The following SERPINI1 variants were observed in gnomAD, a reference collection of about 807,000 sequenced individuals.
SERPINI1 encodes neuroserpin.
SERPINI1 carries 19 observed loss-of-function variants against 41.1 expected under a neutral mutation model. That is an observed-to-expected ratio of 0.46 (90% CI 0.32 to 0.68). The LOEUF is 0.68. Among genes scored for constraint, SERPINI1 ranks in the 30% least tolerant of loss-of-function variants. The probability of loss-of-function intolerance (pLI) is 0.03; values close to 1 mark genes in which losing one functional copy is unlikely to be tolerated. For missense variants in SERPINI1, 460 were observed against 479.2 expected (o/e 0.96, Z 0.37); for synonymous variants, 138 against 156.6 (o/e 0.88, Z 0.89).
At chr3:167,786,917 T>C (rs1279326692) in intron 1 of SERPINI1, among the ~76,000 whole-genome samples, 1 of 152,220 alleles carries the variant, frequency 6.6e-6, no homozygotes, top group Admixed American at 6.5e-5. Flanking sequence ...ATGCAAGCTG[T>C]GTTCAGTAAG....
chr3:167,763,044 G>C (rs1288925129), intron 1 of SERPINI1, among the ~76,000 whole-genome samples: 1 of 152,022 alleles, frequency 6.6e-6, no homozygotes, highest in Non-Finnish European at 1.5e-5. Flanking sequence ...AAGTCCCCAG[G>C]TCTCAGTTGG....
At chr3:167,796,352 ATATTT>A (rs1198069858) in intron 5 of SERPINI1, among the ~76,000 whole-genome samples, 3 of 151,628 alleles carry the variant, frequency 2.0e-5, no homozygotes, top group East Asian at 3.9e-4. Flanking sequence ...TCTATTTTTT[ATATTT>A]TATTTTATTT....
chr3:167,750,156 G>A (rs537072723), intron 1 of SERPINI1, among the ~76,000 whole-genome samples: 6 of 152,134 alleles, frequency 3.9e-5, no homozygotes, highest in Non-Finnish European at 8.8e-5. Flanking sequence ...ACACCCAGCC[G>A]GGATGACTTA....
chr3:167,768,946 C>T (rs886564987), intron 1 of SERPINI1, among the ~76,000 whole-genome samples: 3 of 152,130 alleles, frequency 2.0e-5, no homozygotes, highest in Admixed American at 2.0e-4. Flanking sequence ...GCCAGTATGC[C>T]TGTCTCCAGG....
At chr3:167,760,119 G>A (rs1726332473) in intron 1 of SERPINI1, among the ~76,000 whole-genome samples, 1 of 152,002 alleles carries the variant, frequency 6.6e-6, no homozygotes. Flanking sequence ...ATGACTTGTT[G>A]GGGGTCATCT....
intron 6 of SERPINI1, among the ~76,000 whole-genome samples, chr3:167,810,896 G>A (rs934865077): frequency 3.9e-5 from 6 of 152,016 alleles, no homozygotes; most frequent in Non-Finnish European, 7.4e-5. Flanking sequence ...AACGTTGTTC[G>A]CAGCATCTTC....
chr3:167,802,401 A>G (rs1157550955), intron 5 of SERPINI1, among the ~76,000 whole-genome samples: 2 of 150,064 alleles, frequency 1.3e-5, no homozygotes, highest in African/African-American at 4.9e-5. Context: ...AATATCCAGA[A>G]TCTACAATGA....
intron 1 of SERPINI1, among the ~76,000 whole-genome samples, chr3:167,755,474 C>G (rs13059266): frequency 0.19 from 28,246 of 152,058 alleles, 2,801 homozygotes; most frequent in Non-Finnish European, 0.21. Flanking sequence ...CAAAAGGGCC[C>G]ATTAAGATAG....
intron 1 of SERPINI1, among the ~76,000 whole-genome samples, chr3:167,757,212 C>T (rs1312458321): frequency 1.3e-5 from 2 of 152,098 alleles, no homozygotes; most frequent in Admixed American, 1.3e-4. Context: ...TTTCTAAGAC[C>T]AGCTTTTGAA....
At chr3:167,817,742 C>T (rs1370528384) in intron 6 of SERPINI1, among the ~76,000 whole-genome samples, 2 of 150,212 alleles carry the variant, frequency 1.3e-5, no homozygotes, top group East Asian at 1.9e-4. Context: ...GGACTACAGG[C>T]GCCCACCACC....
At chr3:167,753,924 T>A (rs1220317173) in intron 1 of SERPINI1, among the ~76,000 whole-genome samples, 1 of 152,238 alleles carries the variant, frequency 6.6e-6, no homozygotes, top group Non-Finnish European at 1.5e-5. Context: ...AGAGTGTCTC[T>A]CTGGATATAT....
intron 4 of SERPINI1, among the ~76,000 whole-genome samples, chr3:167,793,602 A>ATATATATATATATATATAT (rs1727605852): frequency 1.1e-5 from 1 of 87,384 alleles, no homozygotes; most frequent in African/African-American, 5.7e-5. Context: ...ATATATTTTT[A>ATATATATATATATATATAT]ATTAGCTAGG....
Position 167,822,979 on chromosome 3 carries a change from T to G in SERPINI1, c.980-7T>G, listed in dbSNP as rs1459038029. ...AAAAAAAAAAATTTCTGATTCTCTT[T>G]TTGCAGATAATAAGGAGATTTTTCT... is the stretch of plus-strand genomic sequence containing the variant. On this transcript the variant is annotated splice_region_variant and splice_polypyrimidine_tract_variant and intron_variant, in intron 6 of 8. Transcript: ENST00000446050. 3.2e-6 allele frequency: 5 copies of G among 1,568,252 alleles called. No homozygotes were observed. The African/African-American group carries it at 5.4e-5, about 17-fold the overall frequency.
intron 1 of SERPINI1, among the ~76,000 whole-genome samples, chr3:167,761,635 A>G (rs1726385299): frequency 6.6e-6 from 1 of 152,214 alleles, no homozygotes; most frequent in Middle Eastern, 3.2e-3. Flanking sequence ...ACACTCAATA[A>G]TGTCTTCTTC....
intron 6 of SERPINI1, among the ~76,000 whole-genome samples, chr3:167,821,587 G>T (rs114012875): frequency 6.6e-6 from 1 of 152,068 alleles, no homozygotes; most frequent in Admixed American, 6.6e-5. Flanking sequence ...CACCTGGCTC[G>T]CCCTTGGCAA....
rs77276054 is a variant in SERPINI1 at position 167,764,040 on chromosome 3, C to G, written c.-18-25071C>G. Among the ~76,000 whole-genome samples, 1,269 of 152,110 alleles carry G rather than the reference C, an allele frequency of 8.3e-3. 94 individuals carry two copies. In the East Asian group the frequency reaches 0.18, roughly 21 times the overall value. On this transcript the variant is annotated intron_variant, in intron 1 of 8. Transcript: ENST00000446050. ...ATCTTAACTCACTCCCCAAGGACAC[C>G]TTTTGTTTCCTGGTATCTTTATTGC...
At chr3:167,815,323 A>G (rs1712041448) in intron 6 of SERPINI1, among the ~76,000 whole-genome samples, 1 of 152,190 alleles carries the variant, frequency 6.6e-6, no homozygotes, top group Non-Finnish European at 1.5e-5. Context: ...TGTCTCAAGA[A>G]AAAAAGGCTT....
chr3:167,785,060 G>A (rs1458832872), intron 1 of SERPINI1, among the ~76,000 whole-genome samples: 1 of 152,086 alleles, frequency 6.6e-6, no homozygotes, highest in South Asian at 2.1e-4. Context: ...GGCCAACATG[G>A]TGAAACCCCG....
rs568706227 is a variant in SERPINI1 at position 167,807,261 on chromosome 3, A to T, written c.899A>T (p.Glu300Val). Residue 300 changes from glutamate (E) to valine (V), a missense_variant, in exon 6 of 9, where the codon GAA (glutamate) becomes GTA (valine). Transcript: ENST00000446050. Reference sequence around the variant, plus strand: ...TTCTCCAGGTTCACAGTGGAACAGGAAATTGATTTAAAAGATGTTTTGAAG... The same window carrying T: ...TTCTCCAGGTTCACAGTGGAACAGGTAATTGATTTAAAAGATGTTTTGAAG... The part of the protein sequence containing the change: ...VYLPRFTVEQ[E>V]IDLKDVLKAL... The T allele has an allele frequency of 2.5e-6, 4 of 1,612,364 alleles. No individual in the cohort carries two copies. The highest frequency in any genetic ancestry group is 2.2e-5 in the East Asian group (1 of 44,714).
Sources: allele counts gnomAD v4.1 joint callset (sites outside exome capture counted in the v4.1 genomes callset), GRCh38; gene constraint gnomAD v4.1.1; transcripts MANE v1.5; gene names NCBI Gene and HGNC (gene_info 2026-07-23, HGNC 2026-07-21).